TAF3: variants seen among roughly 807,000 people sequenced by gnomAD.
TAF3 encodes TATA-box binding protein associated factor 3, also known as transcription initiation factor TFIID subunit 3.
In TAF3, 7 loss-of-function variants were observed where a neutral mutation model predicts 80.6. The ratio of observed to expected loss-of-function variants is 0.09; its 90% CI spans 0.05 to 0.16. TAF3 has a LOEUF of 0.16. Among genes scored for constraint, TAF3 ranks in the 10% least tolerant of loss-of-function variants. The pLI is 1.00. For missense variants in TAF3, 921 were observed against 1,140.2 expected, an observed-to-expected ratio of 0.81 and a Z score of 2.77; for synonymous variants, 444 against 446.1, an observed-to-expected ratio of 1.00 and a Z score of 0.06.
intron 2 of TAF3, among the ~76,000 whole-genome samples, chr10:7,920,814 A>G (rs1837756132): frequency 6.6e-6 from 1 of 152,202 alleles, no homozygotes; most frequent in Admixed American, 6.5e-5. Flanking sequence ...GTAGCATTGA[A>G]ATAGAATTTT....
chr10:7,930,871 A>G (rs959599121), intron 2 of TAF3, among the ~76,000 whole-genome samples: 3 of 152,002 alleles, frequency 2.0e-5, no homozygotes, highest in African/African-American at 7.2e-5. Flanking sequence ...ATAAGGGCTT[A>G]TATTTTTGTA....
At chr10:7,928,371 A>C (rs1206499608) in intron 2 of TAF3, among the ~76,000 whole-genome samples, 1 of 152,186 alleles carries the variant, frequency 6.6e-6, no homozygotes, top group African/African-American at 2.4e-5. Context: ...TTAATCCTGC[A>C]CCTTTAGGTA....
chr10:7,820,299 T>G (rs2131094697), intron 1 of TAF3, among the ~76,000 whole-genome samples: 1 of 152,350 alleles, frequency 6.6e-6, no homozygotes, highest in African/African-American at 2.4e-5. Flanking sequence ...GTATGTCTCT[T>G]TCCCCTCTCC....
chr10:7,852,421 T>TC (rs1178281054), intron 2 of TAF3, among the ~76,000 whole-genome samples: 27 of 152,228 alleles, frequency 1.8e-4, no homozygotes, highest in African/African-American at 6.5e-4. Context: ...TCTCATTCTC[T>TC]GTCTCTTTCC....
intron 2 of TAF3, among the ~76,000 whole-genome samples, chr10:7,827,519 C>T (rs757269026): frequency 1.3e-5 from 2 of 152,006 alleles, no homozygotes; most frequent in African/African-American, 2.4e-5. Context: ...CAGTGGCTCA[C>T]GCCTGTAATC....
intron 2 of TAF3, among the ~76,000 whole-genome samples, chr10:7,951,504 C>T (rs1477460465): frequency 6.6e-6 from 1 of 152,162 alleles, no homozygotes; most frequent in Non-Finnish European, 1.5e-5. Context: ...CCAAGAGCAG[C>T]AGGAAGGCAA....
intron 2 of TAF3, among the ~76,000 whole-genome samples, chr10:7,876,483 A>G (rs1210535778): frequency 6.6e-6 from 1 of 152,230 alleles, no homozygotes; most frequent in Non-Finnish European, 1.5e-5. Context: ...AGAATCGAAT[A>G]TGAAAGAACA....
At chr10:8,005,975 C>T (rs1831987126) in intron 4 of TAF3, among the ~76,000 whole-genome samples, 1 of 152,174 alleles carries the variant, frequency 6.6e-6, no homozygotes, top group African/African-American at 2.4e-5. Context: ...CGTAATCTCT[C>T]TGTGCCTTGG....
intron 2 of TAF3, among the ~76,000 whole-genome samples, chr10:7,910,445 A>G (rs1175174184): frequency 1.3e-5 from 2 of 152,076 alleles, no homozygotes; most frequent in East Asian, 1.9e-4. Context: ...CAGTGGTGCA[A>G]TCTCAGCTCA....
At chr10:7,965,979 C>T (rs1198968864) in intron 3 of TAF3, among the ~76,000 whole-genome samples, 1 of 152,162 alleles carries the variant, frequency 6.6e-6, no homozygotes. Flanking sequence ...CATCTAATCA[C>T]AGACTATAAA....
At chr10:7,955,316 TG>T (rs1387134798) in intron 2 of TAF3, among the ~76,000 whole-genome samples, 1 of 152,250 alleles carries the variant, frequency 6.6e-6, no homozygotes, top group African/African-American at 2.4e-5. Flanking sequence ...TGTGCATCAT[TG>T]TAGAAATTAA....
intron 2 of TAF3, among the ~76,000 whole-genome samples, chr10:7,902,618 G>A (rs1837570410): frequency 6.6e-6 from 1 of 152,102 alleles, no homozygotes; most frequent in Admixed American, 6.5e-5. Context: ...TCTGGGTGCT[G>A]GGGGATGACT....
chr10:7,866,673 C>T (rs1219661999), intron 2 of TAF3, among the ~76,000 whole-genome samples: 1 of 151,996 alleles, frequency 6.6e-6, no homozygotes, highest in Non-Finnish European at 1.5e-5. Flanking sequence ...AATGGGAAAC[C>T]ATTGAAGAGT....
chr10:7,839,589 G>A (rs916282669), intron 2 of TAF3, among the ~76,000 whole-genome samples: 2 of 152,168 alleles, frequency 1.3e-5, no homozygotes, highest in Non-Finnish European at 2.9e-5. Flanking sequence ...TATCATTCAT[G>A]GCCCTGGCAT....
At chr10:7,967,091 G>A (rs1831578179) in intron 3 of TAF3, among the ~76,000 whole-genome samples, 1 of 152,194 alleles carries the variant, frequency 6.6e-6, no homozygotes, top group Non-Finnish European at 1.5e-5. Flanking sequence ...ATTTATGGAA[G>A]AGAAACTGAG....
chr10:7,936,481 T>C (rs1837921583), intron 2 of TAF3, among the ~76,000 whole-genome samples: 2 of 151,574 alleles, frequency 1.3e-5, no homozygotes, highest in Non-Finnish European at 2.9e-5. Context: ...CAGAAGAGGG[T>C]AGGACCTGAG....
intron 2 of TAF3, among the ~76,000 whole-genome samples, chr10:7,843,389 A>G (rs954980294): frequency 6.6e-6 from 1 of 152,040 alleles, no homozygotes; most frequent in Admixed American, 6.6e-5. Context: ...AATAACAGGC[A>G]TGAGCCACCG....
At chr10:7,967,579 C>T (rs1384698443) in intron 3 of TAF3, among the ~76,000 whole-genome samples, 1 of 152,166 alleles carries the variant, frequency 6.6e-6, no homozygotes, top group Admixed American at 6.5e-5. Context: ...GAAAATTCAG[C>T]TATCTTATAA....
rs17143047 is a variant in TAF3, at chr10:7,874,814, A to T, written c.409+50254A>T. 1.5e-3 allele frequency among the ~76,000 whole-genome samples: 229 copies of T among 151,786 alleles called. 6 individuals are homozygous for T. In the East Asian group the frequency reaches 0.039, roughly 26 times the overall value. On this transcript the variant is annotated intron_variant, in intron 2 of 6. Transcript: ENST00000344293. ...ATTACATGGAAAACTTTTTTCATCG[A>T]TTTCTTAGCTGTATGTATCATGTAA... is the stretch of plus-strand genomic sequence containing the variant.
Sources: allele counts gnomAD v4.1 joint callset (sites outside exome capture counted in the v4.1 genomes callset), GRCh38; gene constraint gnomAD v4.1.1; transcripts MANE v1.5; gene names NCBI Gene and HGNC (gene_info 2026-07-23, HGNC 2026-07-21).